The following FKBP5 variants were observed in gnomAD, a reference collection of about 807,000 sequenced individuals.
FKBP5 encodes peptidyl-prolyl cis-trans isomerase FKBP5.
Under a neutral mutation model 50.5 loss-of-function variants are expected in FKBP5, and 23 were observed. The observed-to-expected ratio is 0.46, with a 90% CI of 0.33 to 0.65. The LOEUF (loss-of-function observed/expected upper bound fraction) is 0.65. Ranked by LOEUF, FKBP5 falls within the 30% of genes least tolerant of loss-of-function variation. The pLI, the probability that FKBP5 is intolerant of heterozygous loss-of-function variation, is 0.02. For synonymous variants in FKBP5, 176 were observed against 190.6 expected, an observed-to-expected ratio of 0.92 and a Z score of 0.63; for missense variants, 411 against 553.1, an observed-to-expected ratio of 0.74 and a Z score of 2.58.
chr6:35,654,963 GGTC>G (rs1764909505), intron 1 of FKBP5, among the ~76,000 whole-genome samples: 1 of 152,000 alleles, frequency 6.6e-6, no homozygotes, highest in Non-Finnish European at 1.5e-5. Context: ...GAGGTGGGAG[GGTC>G]GCTTGAGCCC....
chr6:35,617,265 T>C (rs1222430088), intron 5 of FKBP5, among the ~76,000 whole-genome samples: 3 of 152,172 alleles, frequency 2.0e-5, no homozygotes, highest in South Asian at 2.1e-4. Flanking sequence ...AAATAGTATA[T>C]ACTTTAAAAG....
chr6:35,689,128 A>T (rs571346231), upstream of FKBP5, among the ~76,000 whole-genome samples: 13 of 151,952 alleles, frequency 8.6e-5, no homozygotes, highest in African/African-American at 2.2e-4. Flanking sequence ...CCACCTCCCC[A>T]CGCCAGCCCA....
chr6:35,663,797 G>A (rs747710916), intron 1 of FKBP5, among the ~76,000 whole-genome samples: 3 of 152,102 alleles, frequency 2.0e-5, no homozygotes, highest in Admixed American at 6.6e-5. Context: ...AGCAAAAATC[G>A]ACTATAATCA....
chr6:35,610,692 AT>A (rs1763466181), intron 5 of FKBP5, among the ~76,000 whole-genome samples: 1 of 145,114 alleles, frequency 6.9e-6, no homozygotes, highest in African/African-American at 2.5e-5. Context: ...TTATTTTATT[AT>A]TTTTCTATTT....
chr6:35,681,084 C>T (rs938278054), intron 1 of FKBP5, among the ~76,000 whole-genome samples: 1 of 152,172 alleles, frequency 6.6e-6, no homozygotes, highest in Non-Finnish European at 1.5e-5. Context: ...ATTATTAAAC[C>T]ACTGGTTAAT....
chr6:35,681,426 C>T (rs1765658232), intron 1 of FKBP5, among the ~76,000 whole-genome samples: 1 of 152,188 alleles, frequency 6.6e-6, no homozygotes, highest in South Asian at 2.1e-4. Flanking sequence ...CCTTTCCAGT[C>T]AACCACAACC....
intron 2 of FKBP5, 25 bp downstream of exon 2, chr6:35,642,695 A>G: frequency 3.2e-6 from 5 of 1,573,340 alleles, no homozygotes; most frequent in Middle Eastern, 1.7e-4. Context: ...GTTTCCTTGT[A>G]TGTCACTCAG....
At chr6:35,628,867 G>A (rs1290816548) in intron 3 of FKBP5, among the ~76,000 whole-genome samples, 2 of 152,132 alleles carry the variant, frequency 1.3e-5, no homozygotes, top group South Asian at 4.1e-4. Context: ...ATAGGCATGT[G>A]CCACCACACC....
At chr6:35,625,677 A>G (rs192086130) in intron 3 of FKBP5, among the ~76,000 whole-genome samples, 3,499 of 147,996 alleles carry the variant, frequency 0.024, 90 homozygotes, top group African/African-American at 0.056. Flanking sequence ...CGGAGCTTTC[A>G]GTGAGCCGAG....
intron 5 of FKBP5, among the ~76,000 whole-genome samples, chr6:35,618,472 A>G (rs1224074990): frequency 6.6e-6 from 1 of 152,194 alleles, no homozygotes; most frequent in African/African-American, 2.4e-5. Flanking sequence ...CCAGAGCTCA[A>G]GTGATTCTTC....
chr6:35,630,465 T>C (rs1201637969), intron 3 of FKBP5, among the ~76,000 whole-genome samples: 1 of 152,004 alleles, frequency 6.6e-6, no homozygotes, highest in Non-Finnish European at 1.5e-5. Context: ...GAGAATCACT[T>C]GAACCCGGGA....
chr6:35,583,332 G>T (rs775969511), intron 8 of FKBP5: 74 of 985,236 alleles, frequency 7.5e-5, no homozygotes, highest in Non-Finnish European at 8.6e-5. Flanking sequence ...CAAAAACCTA[G>T]ATCTTAACAT....
chr6:35,608,738 C>G (rs1763406353), intron 5 of FKBP5, among the ~76,000 whole-genome samples: 1 of 152,172 alleles, frequency 6.6e-6, no homozygotes, highest in South Asian at 2.1e-4. Flanking sequence ...GCCTTCCCCT[C>G]TTCATTTCCT....
chr6:35,631,723 G>A (rs866804129), intron 3 of FKBP5, among the ~76,000 whole-genome samples: 3 of 151,998 alleles, frequency 2.0e-5, no homozygotes, highest in African/African-American at 4.8e-5. Flanking sequence ...TTGGGAGGCC[G>A]AGGTGGGTGG....
intron 8 of FKBP5, chr6:35,586,740 A>G (rs1454353252): frequency 8.0e-7 from 1 of 1,257,226 alleles, no homozygotes; most frequent in East Asian, 3.0e-5. Flanking sequence ...GTACCAAGCA[A>G]GATGCTTTAG....
At chr6:35,727,932 G>A (rs997770741) in intron 1 of FKBP5, among the ~76,000 whole-genome samples, 1 of 152,222 alleles carries the variant, frequency 6.6e-6, no homozygotes, top group African/African-American at 2.4e-5. Context: ...TCCAAGGCCG[G>A]TGAGTGGGCA....
intron 2 of FKBP5, among the ~76,000 whole-genome samples, chr6:35,638,738 A>G (rs887813942): frequency 1.3e-5 from 2 of 152,018 alleles, no homozygotes; most frequent in Admixed American, 6.6e-5. Flanking sequence ...TTTAAAGGCA[A>G]AGAAACACTA....
At chr6:35,665,432 C>T (rs576213036) in intron 1 of FKBP5, among the ~76,000 whole-genome samples, 75 of 152,012 alleles carry the variant, frequency 4.9e-4, no homozygotes, top group African/African-American at 1.6e-3. Flanking sequence ...GGACTACAGG[C>T]GCGTGCCACC....
chr6:35,617,571 T>C (rs1763697750), intron 5 of FKBP5, among the ~76,000 whole-genome samples: 1 of 152,222 alleles, frequency 6.6e-6, no homozygotes, highest in Admixed American at 6.5e-5. Context: ...TTGATTTTTG[T>C]TCTTAATGGA....
Sources: allele counts gnomAD v4.1 joint callset (sites outside exome capture counted in the v4.1 genomes callset), GRCh38; gene constraint gnomAD v4.1.1; transcripts MANE v1.5; gene names NCBI Gene and HGNC (gene_info 2026-07-23, HGNC 2026-07-21).